Variants in CAMK2D observed in about 807,000 individuals in gnomAD.
The protein encoded by CAMK2D is calcium/calmodulin dependent protein kinase II delta.
CAMK2D carries 37 observed loss-of-function variants against 84.0 expected under a neutral mutation model. The ratio of observed to expected loss-of-function variants is 0.44; its 90% confidence interval spans 0.34 to 0.58. The LOEUF (loss-of-function observed/expected upper bound fraction) is 0.58, where lower values mean the gene tolerates loss of function less well. Among genes scored for constraint, CAMK2D ranks in the 20% least tolerant of loss-of-function variants. The probability of loss-of-function intolerance (pLI) is 0.02; values close to 1 mark genes in which losing one functional copy is unlikely to be tolerated. For missense variants in CAMK2D, 448 were observed against 652.5 expected (o/e 0.69, Z 3.41); for synonymous variants, 202 against 212.5 (o/e 0.95, Z 0.43).
chr4:113,587,700 T>G (rs983109493), intron 4 of CAMK2D, among the ~76,000 whole-genome samples: 6 of 152,200 alleles, frequency 3.9e-5, no homozygotes, highest in Non-Finnish European at 7.3e-5. Flanking sequence ...TTCTCCAGAC[T>G]ATTAGTAACA....
rs144301961 is a variant in CAMK2D, at chr4:113,636,651, T to C, written c.220+25062A>G. ...GAAGACCTGCTTCCTGGCTTGCAGA[T>C]AGATGGCCCCCTTGTCACTGTGAAC... On this transcript the variant is annotated intron_variant, in intron 3 of 20. Transcript: ENST00000511664. Among the ~76,000 whole-genome samples the C allele has an allele frequency of 4.0e-4, 61 of 152,328 alleles. 1 individual carries two copies. The highest frequency in any genetic ancestry group is 3.6e-3 in the Admixed American group (55 of 15,302).
At chr4:113,746,657 C>T (rs73845553) in intron 2 of CAMK2D, among the ~76,000 whole-genome samples, 1,777 of 152,036 alleles carry the variant, frequency 0.012, 35 homozygotes, top group African/African-American at 0.041. Flanking sequence ...GAAATTTTTC[C>T]CAAAAATAAC....
intron 6 of CAMK2D, among the ~76,000 whole-genome samples, chr4:113,540,098 T>C (rs540376792): frequency 6.6e-6 from 1 of 152,174 alleles, no homozygotes; most frequent in Admixed American, 6.6e-5. Flanking sequence ...TGTGGGAGGC[T>C]TAATCACTAA....
chr4:113,462,566 G>C (rs910347154), intron 17 of CAMK2D, among the ~76,000 whole-genome samples: 18 of 152,124 alleles, frequency 1.2e-4, no homozygotes, highest in Admixed American at 1.2e-3. Context: ...TACAAAATCA[G>C]GCCAGATTAT....
chr4:113,497,827 T>C (rs1488882348), intron 16 of CAMK2D, among the ~76,000 whole-genome samples: 2 of 152,204 alleles, frequency 1.3e-5, no homozygotes, highest in African/African-American at 4.8e-5. Flanking sequence ...AGATGCACTA[T>C]AGCTGGGACA....
At chr4:113,751,035 G>A (rs1451263345) in intron 2 of CAMK2D, among the ~76,000 whole-genome samples, 1 of 151,994 alleles carries the variant, frequency 6.6e-6, no homozygotes, top group Admixed American at 6.6e-5. Context: ...AAAACAAAGA[G>A]TTGAAGCAAA....
intron 16 of CAMK2D, among the ~76,000 whole-genome samples, chr4:113,484,022 C>G (rs995029775): frequency 6.6e-6 from 1 of 152,098 alleles, no homozygotes; most frequent in African/African-American, 2.4e-5. Flanking sequence ...AGGGAAGATA[C>G]CGAGAGACTC....
intron 16 of CAMK2D, among the ~76,000 whole-genome samples, chr4:113,482,237 T>C (rs1439782576): frequency 6.6e-6 from 1 of 152,168 alleles, no homozygotes; most frequent in Non-Finnish European, 1.5e-5. Context: ...TATCTTAAGT[T>C]AGAGTGATGG....
Position 113,467,969 on chromosome 4 carries a change from T to C in CAMK2D, c.1136-2365A>G, listed in dbSNP as rs114836980. 7.3e-3 allele frequency among the ~76,000 whole-genome samples: 1,111 copies of C among 151,754 alleles called. 16 individuals carry two copies. The highest frequency in any genetic ancestry group is 0.026 in the African/African-American group (1,054 of 41,296). On this transcript the variant is annotated intron_variant, in intron 16 of 20. Coordinates refer to ENST00000511664, the MANE Select transcript of CAMK2D (RefSeq NM_001321571.2). The stretch of plus-strand genomic sequence containing the variant: ...TAACAGATTTTTTTTTTTGGTCTGA[T>C]ATACAGCTGATAGGAAAAACTACAG...
chr4:113,462,823 A>G (rs1011438963), intron 17 of CAMK2D, among the ~76,000 whole-genome samples: 7 of 152,050 alleles, frequency 4.6e-5, no homozygotes, highest in Non-Finnish European at 7.4e-5. Context: ...ACAACTTTTT[A>G]TCATTCCACA....
At chr4:113,684,973 C>G (rs529484894) in intron 2 of CAMK2D, among the ~76,000 whole-genome samples, 1 of 152,188 alleles carries the variant, frequency 6.6e-6, no homozygotes, top group Non-Finnish European at 1.5e-5. Context: ...CTGGAAAGAG[C>G]TGGCAGCAGA....
At chr4:113,731,924 C>T (rs1284080517) in intron 2 of CAMK2D, among the ~76,000 whole-genome samples, 1 of 152,028 alleles carries the variant, frequency 6.6e-6, no homozygotes, top group Non-Finnish European at 1.5e-5. Flanking sequence ...AAACTTCATT[C>T]CCATTTGTTA....
rs563625431 is a variant in CAMK2D at position 113,475,453 on chromosome 4, G to A, written c.1136-9849C>T. On this transcript the variant is annotated intron_variant, in intron 16 of 20. Transcript: ENST00000511664. ...TTAAGAGTACTCAAAATGTTATTAT[G>A]CATCCATAATTATTGAACTCCAAGT... 1.4e-4 allele frequency among the ~76,000 whole-genome samples: 22 copies of A among 152,256 alleles called. No homozygotes were observed. The East Asian group carries it at 3.3e-3, about 23-fold the overall frequency.
At chr4:113,609,077 C>G in intron 4 of CAMK2D, 75 bp downstream of exon 4, 1 of 797,242 alleles carries the variant, frequency 1.3e-6, no homozygotes, top group Admixed American at 1.8e-5. Flanking sequence ...TTGGACTGTA[C>G]AGTGAGAAAA....
intron 4 of CAMK2D, among the ~76,000 whole-genome samples, chr4:113,593,490 A>C (rs564073251): frequency 6.6e-6 from 1 of 152,302 alleles, no homozygotes; most frequent in African/African-American, 2.4e-5. Flanking sequence ...CTGAAAGATA[A>C]AAACTTTAGG....
chr4:113,622,635 A>T (rs1037955435), intron 3 of CAMK2D, among the ~76,000 whole-genome samples: 6 of 152,134 alleles, frequency 3.9e-5, no homozygotes, highest in Non-Finnish European at 7.4e-5. Flanking sequence ...GTGGTGTTGC[A>T]TGCCTTTGGT....
chr4:113,509,793 T>G, intron 12 of CAMK2D, 118 bp from the exon 13 acceptor site: 1 of 704,460 alleles, frequency 1.4e-6, no homozygotes, highest in Non-Finnish European at 2.5e-6. Context: ...GGCCAACATA[T>G]GGCAAGTTAT....
At chr4:113,525,751 T>A (rs1413905168) in intron 8 of CAMK2D, among the ~76,000 whole-genome samples, 2 of 152,224 alleles carry the variant, frequency 1.3e-5, no homozygotes, top group African/African-American at 4.8e-5. Context: ...GAAGGCTAGC[T>A]GCCTTTCTGC....
intron 3 of CAMK2D, among the ~76,000 whole-genome samples, chr4:113,624,799 T>G (rs576593648): frequency 6.6e-6 from 1 of 152,334 alleles, no homozygotes; most frequent in African/African-American, 2.4e-5. Flanking sequence ...GCCCATAATT[T>G]TGTAATTAGA....
Sources: allele counts gnomAD v4.1 joint callset (sites outside exome capture counted in the v4.1 genomes callset), GRCh38; gene constraint gnomAD v4.1.1; transcripts MANE v1.5; gene names NCBI Gene and HGNC (gene_info 2026-07-23, HGNC 2026-07-21).